TINAG: variants seen among roughly 807,000 people sequenced by gnomAD.
TINAG encodes tubulointerstitial nephritis antigen.
A neutral mutation model predicts 72.7 loss-of-function variants in TINAG; 83 were observed. That is an observed-to-expected ratio of 1.14 (90% CI 0.96 to 1.37). TINAG has a LOEUF of 1.37. TINAG is among the 40% of genes most tolerant of loss of function. The pLI is 0.00. For synonymous variants in TINAG, 234 were observed against 189.9 expected (o/e 1.23, Z -1.91); for missense variants, 685 against 576.6 (o/e 1.19, Z -1.93).
chr6:54,376,470 AT>A (rs1461459566), intron 9 of TINAG, among the ~76,000 whole-genome samples: 1 of 152,138 alleles, frequency 6.6e-6, no homozygotes. Flanking sequence ...ACCCTCTCTT[AT>A]TTATGGCATC....
intron 8 of TINAG, 48 bp downstream of exon 8, chr6:54,351,445 A>C: frequency 6.4e-7 from 1 of 1,556,366 alleles, no homozygotes; most frequent in Non-Finnish European, 8.8e-7. Context: ...CCTTTAATAA[A>C]CAACATTACA....
chr6:54,339,853 T>G (rs1359827842), intron 4 of TINAG, among the ~76,000 whole-genome samples: 2 of 152,162 alleles, frequency 1.3e-5, no homozygotes, highest in Non-Finnish European at 2.9e-5. Context: ...CATTTGGTTC[T>G]CAGGTCACTA....
At chr6:54,356,708 AACTTT>A (rs1487646141) in intron 9 of TINAG, among the ~76,000 whole-genome samples, 1 of 151,878 alleles carries the variant, frequency 6.6e-6, no homozygotes, top group African/African-American at 2.4e-5. Flanking sequence ...TATTCAGGCT[AACTTT>A]ACTTGAATTT....
intron 4 of TINAG, chr6:54,327,314 G>A: frequency 1.2e-6 from 1 of 857,036 alleles, no homozygotes; most frequent in Non-Finnish European, 1.6e-6. Context: ...AGCAGAAGCA[G>A]GGTAGGATGT....
At chr6:54,382,773 A>T (rs939485262) in intron 10 of TINAG, among the ~76,000 whole-genome samples, 1 of 152,138 alleles carries the variant, frequency 6.6e-6, no homozygotes, top group Non-Finnish European at 1.5e-5. Context: ...GTAGCAGTGT[A>T]TGTCTCATAA....
intron 1 of TINAG, among the ~76,000 whole-genome samples, chr6:54,312,583 A>G (rs1307287927): frequency 6.6e-6 from 1 of 152,182 alleles, no homozygotes; most frequent in Non-Finnish European, 1.5e-5. Flanking sequence ...TTATGCTTTA[A>G]GAGAAAAAAT....
At chr6:54,329,392 A>G (rs185408114) in intron 4 of TINAG, among the ~76,000 whole-genome samples, 36 of 152,328 alleles carry the variant, frequency 2.4e-4, no homozygotes, top group African/African-American at 8.2e-4. Flanking sequence ...TAAGTGAAAG[A>G]GAAATAAAAT....
At chr6:54,332,639 G>A (rs1198235106) in intron 4 of TINAG, among the ~76,000 whole-genome samples, 1 of 152,196 alleles carries the variant, frequency 6.6e-6, no homozygotes, top group Non-Finnish European at 1.5e-5. Context: ...AAACTAAGGA[G>A]CTTCTGCACA....
In TINAG at chr6:54,385,879, ATTTTTTT is replaced by A. The variant is rs557831982; in HGVS notation, c.1297-3893_1297-3887del. 2.8e-4 allele frequency among the ~76,000 whole-genome samples: 23 copies of A among 80,764 alleles called. No individual in the cohort carries two copies. The South Asian group carries it at 3.0e-3, about 11-fold the overall frequency. 53.0% of individuals were successfully genotyped at this position (80,764 alleles called of 152,430 possible). On this transcript the variant is annotated intron_variant, in intron 10 of 10. Coordinates refer to ENST00000259782, the MANE Select transcript of TINAG (RefSeq NM_014464.4). ...AGAGTCAAGGAGAAAAAAAAACATG[ATTTTTTT>A]TTTTTTTTTTTTTTTTTTCAGACGG...
At chr6:54,312,757 T>G (rs1480001771) in intron 1 of TINAG, among the ~76,000 whole-genome samples, 4 of 152,224 alleles carry the variant, frequency 2.6e-5, no homozygotes, top group Non-Finnish European at 5.9e-5. Flanking sequence ...GTTTAGCTAC[T>G]CTTGAAAAAT....
At chr6:54,380,493 C>A (rs2150982390) in intron 9 of TINAG, 33 bp from the exon 10 acceptor site, 1 of 1,577,932 alleles carries the variant, frequency 6.3e-7, no homozygotes, top group East Asian at 2.3e-5. Flanking sequence ...ACATTTTAAC[C>A]ATACCAATCT....
chr6:54,337,737 C>T (rs530975238), intron 4 of TINAG, among the ~76,000 whole-genome samples: 1 of 152,140 alleles, frequency 6.6e-6, no homozygotes. Flanking sequence ...ACCATTTTCT[C>T]CATAAAATTC....
At chr6:54,356,062 T>C (rs974826616) in intron 9 of TINAG, among the ~76,000 whole-genome samples, 1 of 151,922 alleles carries the variant, frequency 6.6e-6, no homozygotes, top group African/African-American at 2.4e-5. Context: ...TAAAACTGAA[T>C]AGTTTTAATT....
intron 9 of TINAG, 115 bp from the exon 10 acceptor site, chr6:54,380,410 AG>A: frequency 1.4e-6 from 1 of 738,894 alleles, no homozygotes; most frequent in South Asian, 2.0e-5. Context: ...ATTGTGAAAC[AG>A]GATGGGACAG....
upstream of TINAG, chr6:54,308,413 C>T (rs1784159251): frequency 1.5e-6 from 1 of 689,002 alleles, no homozygotes; most frequent in East Asian, 2.7e-5. Context: ...GAGAAGTATA[C>T]TCATTCAAGT....
intron 10 of TINAG, among the ~76,000 whole-genome samples, chr6:54,387,596 T>C (rs1443067368): frequency 6.6e-6 from 1 of 152,150 alleles, no homozygotes; most frequent in South Asian, 2.1e-4. Flanking sequence ...GTGCTATAAG[T>C]GGTTAATAGC....
At chr6:54,345,175 T>G (rs541588907) in intron 5 of TINAG, among the ~76,000 whole-genome samples, 1 of 151,866 alleles carries the variant, frequency 6.6e-6, no homozygotes, top group East Asian at 1.9e-4. Context: ...CCAGTGAGAG[T>G]TTTTAAGAAG....
chr6:54,308,309 A>G, upstream of TINAG: 1 of 645,366 alleles, frequency 1.5e-6, no homozygotes, highest in Non-Finnish European at 2.6e-6. Context: ...TATATGAAAT[A>G]TAAGTTTTTT....
Position 54,308,806 on chromosome 6 carries a change from T to C in TINAG, c.256T>C (p.Phe86Leu), listed in dbSNP as rs1409680867. The change falls in exon 1 of 11, where the codon TTC becomes CTC. Residue 86 changes from phenylalanine to leucine, a missense_variant. Coordinates refer to ENST00000259782, the MANE Select transcript of TINAG (RefSeq NM_014464.4). ...AANALCYCDKFCDRENSDCCP... is the reference protein window; with the variant it reads ...AANALCYCDKLCDRENSDCCP... ...GAATGCGTTGTGCTACTGTGATAAATTCTGTGACAGAGAAAATTCTGATTG... is the reference window on the plus strand; with the variant it reads ...GAATGCGTTGTGCTACTGTGATAAACTCTGTGACAGAGAAAATTCTGATTG... 6.2e-7 allele frequency: 1 copy of C among 1,613,728 alleles called. No individual in the cohort carries two copies. The highest frequency in any genetic ancestry group is 1.3e-5 in the African/African-American group (1 of 74,884).
Sources: allele counts gnomAD v4.1 joint callset (sites outside exome capture counted in the v4.1 genomes callset), GRCh38; gene constraint gnomAD v4.1.1; transcripts MANE v1.5; gene names NCBI Gene and HGNC (gene_info 2026-07-23, HGNC 2026-07-21).